Variants in DOCK1 observed in about 807,000 individuals in gnomAD.
DOCK1 encodes the protein dedicator of cytokinesis protein 1.
A neutral mutation model predicts 262.7 loss-of-function variants in DOCK1; 138 were observed. The observed-to-expected ratio is 0.53, with a 90% CI of 0.46 to 0.61. DOCK1 has a LOEUF of 0.61. Among genes scored for constraint, DOCK1 ranks in the 20% least tolerant of loss-of-function variants. The probability of loss-of-function intolerance (pLI) is 0.00; values close to 1 mark genes in which losing one functional copy is unlikely to be tolerated. For missense variants in DOCK1, 1,908 were observed against 2,370.7 expected, an observed-to-expected ratio of 0.80 and a Z score of 4.05; for synonymous variants, 866 against 867.4, an observed-to-expected ratio of 1.00 and a Z score of 0.03.
At chr10:127,189,603 G>A (rs1180155937) in intron 27 of DOCK1, among the ~76,000 whole-genome samples, 1 of 152,250 alleles carries the variant, frequency 6.6e-6, no homozygotes, top group Non-Finnish European at 1.5e-5. Context: ...TGAAGCCACT[G>A]AGCTAACAAC....
At chr10:127,137,500 G>T (rs1001691575) in intron 27 of DOCK1, 61 of 227,842 alleles carry the variant, frequency 2.7e-4, no homozygotes, top group Non-Finnish European at 1.0e-4. Flanking sequence ...CTGTGTACAG[G>T]GTGACAGCCT....
At chr10:127,261,600 C>T (rs529741016) in intron 29 of DOCK1, among the ~76,000 whole-genome samples, 41 of 82,312 alleles carry the variant, frequency 5.0e-4, no homozygotes, top group African/African-American at 2.1e-3. Context: ...TGGGTGTGTG[C>T]CTGCATGTAC....
chr10:127,338,486 A>T (rs988805786), intron 29 of DOCK1, among the ~76,000 whole-genome samples: 1 of 152,194 alleles, frequency 6.6e-6, no homozygotes, highest in East Asian at 1.9e-4. Context: ...TCTCTAGTAA[A>T]ATAGTGGTCA....
At chr10:127,425,068 G>C (rs1487733380) in intron 46 of DOCK1, among the ~76,000 whole-genome samples, 1 of 152,200 alleles carries the variant, frequency 6.6e-6, no homozygotes, top group Non-Finnish European at 1.5e-5. Context: ...ATTTAGATTG[G>C]TGTTCTGTCC....
At chr10:127,320,481 A>G (rs11017276) in intron 29 of DOCK1, among the ~76,000 whole-genome samples, 3,148 of 152,104 alleles carry the variant, frequency 0.021, 103 homozygotes, top group African/African-American at 0.072. Context: ...CCAATCAGAC[A>G]CCGTGCACCA....
rs1308829113 is a variant in DOCK1, at chr10:127,004,755, C to T, written c.986-3977C>T. 3.1e-4 allele frequency among the ~76,000 whole-genome samples: 31 copies of T among 98,878 alleles called. 2 individuals are homozygous for T. The highest frequency in any genetic ancestry group is 8.9e-4 in the African/African-American group (25 of 28,054). 64.9% of individuals were successfully genotyped at this position (98,878 alleles called of 152,430 possible). A position where few individuals can be genotyped will look rare whatever the true frequency, so the allele number is the denominator to read the frequency against. On this transcript the variant is annotated intron_variant, in intron 10 of 51. Coordinates refer to ENST00000623213, the MANE Select transcript of DOCK1 (RefSeq NM_001290223.2). ...TACAGAGTCATCCTGTCCCCCCCAA[C>T]GGCCCCCTGCCCCGCCACCCCCCCG...
At chr10:127,212,013 G>A (rs2058001261) in intron 27 of DOCK1, among the ~76,000 whole-genome samples, 1 of 152,174 alleles carries the variant, frequency 6.6e-6, no homozygotes, top group East Asian at 1.9e-4. Context: ...AATACAATGT[G>A]TTTTCCTTCT....
rs370441071 is a variant in DOCK1 at position 127,419,729 on chromosome 10, A to G, written c.4756A>G (p.Lys1586Glu). 1.4e-5 allele frequency: 23 copies of G among 1,601,430 alleles called. No homozygotes were observed. Among genetic ancestry groups the G allele is most frequent in the Non-Finnish European group, 1.9e-5 (22 of 1,173,676 alleles). ...GGCCCATGAAAAGATCGAGAAGCTC[A>G]AGGACCTGATTGCTTGGCAGGTAAA... ...PEAHEKIEKL[K>E]DLIAWQIPFL... The change falls in exon 46 of 52, where the codon AAG becomes GAG. Residue 1586 changes from lysine to glutamate, a missense_variant. By Grantham distance (56) the Lys-to-Glu change is moderately conservative (BLOSUM62 1). This residue lies in a region of DOCK1 where 383 missense variants were observed against 420.1 expected (regional missense o/e 0.91). Coordinates refer to ENST00000623213, the MANE Select transcript of DOCK1 (RefSeq NM_001290223.2).
intron 28 of DOCK1, among the ~76,000 whole-genome samples, chr10:127,255,800 A>G (rs1377558093): frequency 6.6e-6 from 1 of 152,250 alleles, no homozygotes; most frequent in African/African-American, 2.4e-5. Context: ...TCATCAAGAA[A>G]GCCAGCAATT....
intron 35 of DOCK1, among the ~76,000 whole-genome samples, chr10:127,376,928 G>A (rs1004934652): frequency 1.3e-5 from 2 of 152,148 alleles, no homozygotes; most frequent in Admixed American, 6.5e-5. Context: ...CTACAATCAC[G>A]GTTTCTAATG....
At chr10:127,007,771 T>C (rs1463756472) in intron 10 of DOCK1, among the ~76,000 whole-genome samples, 1 of 152,078 alleles carries the variant, frequency 6.6e-6, no homozygotes, top group Non-Finnish European at 1.5e-5. Flanking sequence ...AGAGCTTGGG[T>C]CTTGGAGACT....
At chr10:127,287,287 C>T (rs753232558) in intron 29 of DOCK1, among the ~76,000 whole-genome samples, 3 of 151,236 alleles carry the variant, frequency 2.0e-5, no homozygotes, top group Admixed American at 1.3e-4. Context: ...ACTGCAGCCT[C>T]GAACTCTTGG....
chr10:127,361,670 C>A (rs758644336), intron 32 of DOCK1, among the ~76,000 whole-genome samples: 2 of 152,154 alleles, frequency 1.3e-5, no homozygotes, highest in Non-Finnish European at 2.9e-5. Context: ...CTGTTCCTGT[C>A]GCTGTGCACA....
At chr10:126,960,073 C>T (rs1269157451) in intron 1 of DOCK1, among the ~76,000 whole-genome samples, 2 of 152,140 alleles carry the variant, frequency 1.3e-5, no homozygotes, top group Non-Finnish European at 2.9e-5. Flanking sequence ...CTTACAGGCA[C>T]GAGCCACCGC....
intron 13 of DOCK1, among the ~76,000 whole-genome samples, chr10:127,019,658 G>C (rs1023884386): frequency 2.6e-5 from 4 of 152,118 alleles, no homozygotes; most frequent in African/African-American, 9.7e-5. Flanking sequence ...CTGAGGTGGA[G>C]GAATCACTTG....
At position 127,451,433 on chromosome 10, in the gene DOCK1, C is replaced by A. The variant is rs750873463; in HGVS notation, c.*6C>A. The A allele has an allele frequency of 1.3e-6, 2 of 1,568,100 alleles. No homozygotes were observed. Among genetic ancestry groups the A allele is most frequent in the African/African-American group, 1.4e-5 (1 of 73,616 alleles). On this transcript the variant is annotated 3_prime_UTR_variant, in exon 52 of 52. Coordinates refer to ENST00000623213, the MANE Select transcript of DOCK1 (RefSeq NM_001290223.2). Reference sequence around the variant, plus strand: ...ACTCCGGGATCGTGCAGTGACGTCGCAAGCCTCTCTGGAAAGAGTGTGCTG... The same window carrying A: ...ACTCCGGGATCGTGCAGTGACGTCGAAAGCCTCTCTGGAAAGAGTGTGCTG...
Position 127,175,364 on chromosome 10 carries a change from T to C in DOCK1, c.2847+47600T>C, listed in dbSNP as rs1305163141. On this transcript the variant is annotated intron_variant, in intron 27 of 51. Transcript: ENST00000623213. The surrounding 1 kb of genome is among the most constrained non-coding windows in gnomAD (Gnocchi z 6.3). ...TATGAGGCACGATTCGTTGGCATTC[T>C]TCACCTGCAGCAACCGCTGTGGGAC... is the stretch of plus-strand genomic sequence containing the variant. 1 of 1,614,110 alleles carries C rather than the reference T, an allele frequency of 6.2e-7. No homozygotes were observed. Among genetic ancestry groups the C allele is most frequent in the South Asian group, 1.1e-5 (1 of 91,084 alleles).
intron 29 of DOCK1, among the ~76,000 whole-genome samples, chr10:127,284,070 G>A (rs1191216134): frequency 1.3e-5 from 2 of 152,184 alleles, no homozygotes; most frequent in Non-Finnish European, 2.9e-5. Flanking sequence ...TGATTTGCAA[G>A]ATAAAACAGT....
chr10:127,331,177 C>T (rs925100946), intron 29 of DOCK1, among the ~76,000 whole-genome samples: 1 of 152,184 alleles, frequency 6.6e-6, no homozygotes, highest in South Asian at 2.1e-4. Flanking sequence ...GGAGAGAATT[C>T]TGGTTAAAGG....
Sources: allele counts gnomAD v4.1 joint callset (sites outside exome capture counted in the v4.1 genomes callset), GRCh38; gene constraint gnomAD v4.1.1; regional missense constraint gnomAD v4.1.1; non-coding constraint Gnocchi (gnomAD v3.1); transcripts MANE v1.5; gene names NCBI Gene and HGNC (gene_info 2026-07-23, HGNC 2026-07-21).